Variants in FAM171A1 observed in about 807,000 individuals in gnomAD.
FAM171A1 encodes the protein family with sequence similarity 171 member A1.
FAM171A1 carries 23 observed loss-of-function variants against 74.9 expected under a neutral mutation model. The observed-to-expected ratio is 0.31, with a 90% CI of 0.22 to 0.44. The LOEUF (loss-of-function observed/expected upper bound fraction) is 0.44, where lower values mean the gene tolerates loss of function less well. Ranked by LOEUF, FAM171A1 falls within the 20% of genes least tolerant of loss-of-function variation. The pLI, the probability that FAM171A1 is intolerant of heterozygous loss-of-function variation, is 1.00. For missense variants in FAM171A1, 1,162 were observed against 1,159.2 expected (o/e 1.00, Z -0.03); for synonymous variants, 527 against 505.7 (o/e 1.04, Z -0.57).
At chr10:15,340,766 G>A (rs1433464969) in intron 1 of FAM171A1, among the ~76,000 whole-genome samples, 1 of 152,180 alleles carries the variant, frequency 6.6e-6, no homozygotes, top group Non-Finnish European at 1.5e-5. Context: ...TGGATACTGA[G>A]AGCACAGCAG....
chr10:15,246,300 A>G (rs1269970070), intron 5 of FAM171A1, among the ~76,000 whole-genome samples: 1 of 152,224 alleles, frequency 6.6e-6, no homozygotes, highest in African/African-American at 2.4e-5. Flanking sequence ...CCACACAAAT[A>G]ATTACAGTGT....
chr10:15,329,491 C>T (rs899898795), intron 1 of FAM171A1, among the ~76,000 whole-genome samples: 8 of 152,048 alleles, frequency 5.3e-5, no homozygotes, highest in African/African-American at 1.9e-4. Context: ...CCAGGCACAC[C>T]TGTGCACATC....
chr10:15,251,002 G>A (rs920781191), intron 4 of FAM171A1, among the ~76,000 whole-genome samples: 2 of 152,064 alleles, frequency 1.3e-5, no homozygotes, highest in African/African-American at 2.4e-5. Context: ...CACATTCCCA[G>A]CCCAGGAAGA....
intron 5 of FAM171A1, among the ~76,000 whole-genome samples, chr10:15,236,032 G>A (rs1390152464): frequency 6.6e-6 from 1 of 152,138 alleles, no homozygotes; most frequent in Non-Finnish European, 1.5e-5. Flanking sequence ...CACTCGCTTT[G>A]GACATCAGAG....
At chr10:15,297,381 T>C (rs117827494) in intron 1 of FAM171A1, among the ~76,000 whole-genome samples, 6 of 152,204 alleles carry the variant, frequency 3.9e-5, no homozygotes, top group Non-Finnish European at 8.8e-5. Context: ...TTGATAGAAC[T>C]TACACATAAC....
At chr10:15,249,356 C>T (rs1247790481) in intron 4 of FAM171A1, among the ~76,000 whole-genome samples, 1 of 152,136 alleles carries the variant, frequency 6.6e-6, no homozygotes, top group African/African-American at 2.4e-5. Flanking sequence ...TTGGCAATCC[C>T]AGGCCTGTGC....
At chr10:15,365,506 C>G (rs1836048850) in intron 1 of FAM171A1, among the ~76,000 whole-genome samples, 1 of 152,130 alleles carries the variant, frequency 6.6e-6, no homozygotes, top group Admixed American at 6.5e-5. Context: ...CATGGTGGCT[C>G]CCACCTGTAA....
intron 6 of FAM171A1, among the ~76,000 whole-genome samples, chr10:15,217,997 G>C (rs1453131794): frequency 2.0e-5 from 3 of 152,120 alleles, no homozygotes; most frequent in African/African-American, 7.2e-5. Flanking sequence ...GCTTTGTCAG[G>C]AGTCACCAAG....
chr10:15,290,247 G>A (rs1835087583), intron 1 of FAM171A1, among the ~76,000 whole-genome samples: 1 of 149,148 alleles, frequency 6.7e-6, no homozygotes, highest in Admixed American at 6.7e-5. Context: ...TCAAGGGACA[G>A]GATCCATCCC....
At chr10:15,283,632 T>C (rs554211286) in intron 2 of FAM171A1, among the ~76,000 whole-genome samples, 5 of 152,354 alleles carry the variant, frequency 3.3e-5, no homozygotes, top group African/African-American at 1.2e-4. Flanking sequence ...TTGCCCAGGC[T>C]AGACTGCAGT....
rs774072673 is a variant in FAM171A1, at chr10:15,213,689, G to T, written c.1899C>A (p.Ile633=). Residue 633 remains isoleucine, a synonymous_variant, in exon 8 of 8, where the codon ATC becomes ATA. Transcript: ENST00000378116. The surrounding 1 kb of genome is among the most constrained non-coding windows in gnomAD (Gnocchi z 6.8). ...AGIFPHPSSQ[I]QPQPLSSQAI... ...CCTGGGAAGACAGGGGCTGGGGCTG[G>T]ATCTGTGAGGACGGGTGTGGGAAGA... 30 of 1,612,836 alleles carry T rather than the reference G, an allele frequency of 1.9e-5. No individual in the cohort carries two copies. In the Admixed American group the frequency reaches 5.0e-4, roughly 27 times the overall value.
chr10:15,218,552 A>G (rs964283369), intron 6 of FAM171A1, among the ~76,000 whole-genome samples: 5 of 152,120 alleles, frequency 3.3e-5, no homozygotes, highest in Admixed American at 3.3e-4. Context: ...GATGACTGAC[A>G]TATGTATCCC....
intron 5 of FAM171A1, among the ~76,000 whole-genome samples, chr10:15,232,195 C>T (rs1160977119): frequency 2.6e-5 from 4 of 152,174 alleles, no homozygotes; most frequent in African/African-American, 9.7e-5. Flanking sequence ...AGCTTGAGAC[C>T]TCTGCACTGA....
At chr10:15,237,888 C>T (rs1222235708) in intron 5 of FAM171A1, among the ~76,000 whole-genome samples, 5 of 152,144 alleles carry the variant, frequency 3.3e-5, no homozygotes, top group Non-Finnish European at 7.3e-5. Flanking sequence ...ATTTCTAAGC[C>T]ATAGCCTTGA....
chr10:15,321,075 T>G (rs1835481068), intron 1 of FAM171A1, among the ~76,000 whole-genome samples: 1 of 152,198 alleles, frequency 6.6e-6, no homozygotes, highest in Non-Finnish European at 1.5e-5. Flanking sequence ...GGGGCCTGAT[T>G]GAAGAGAGCC....
At chr10:15,369,466 C>T (rs1448156273) in intron 1 of FAM171A1, among the ~76,000 whole-genome samples, 1 of 152,100 alleles carries the variant, frequency 6.6e-6, no homozygotes, top group African/African-American at 2.4e-5. Context: ...GTTTCCTACA[C>T]GAAGAGACAT....
At chr10:15,239,582 T>C (rs967699737) in intron 5 of FAM171A1, among the ~76,000 whole-genome samples, 1 of 152,138 alleles carries the variant, frequency 6.6e-6, no homozygotes, top group African/African-American at 2.4e-5. Context: ...GGATTACAGG[T>C]GTAAGCCACT....
chr10:15,269,807 AC>A (rs1473018605), intron 3 of FAM171A1, among the ~76,000 whole-genome samples: 2 of 152,194 alleles, frequency 1.3e-5, no homozygotes, highest in Non-Finnish European at 2.9e-5. Context: ...CTTACAGTGA[AC>A]TGATAGTTTA....
In FAM171A1 at chr10:15,254,981, C is replaced by T. The variant is rs539668344; in HGVS notation, c.419-102G>A. The T allele has an allele frequency of 9.9e-4, 1,016 of 1,030,026 alleles. 21 individuals carry two copies. In the South Asian group the frequency reaches 0.015, roughly 15 times the overall value. The allele number at this position is 1,030,026 out of a possible 1,614,324, so 63.8% of individuals were successfully genotyped here. Reference sequence around the variant, plus strand: ...TCTCTAAGGTTTCAGCACGCCTCCCCCACCCTGCTCCCTCTCACAAGGCCT... The same window carrying T: ...TCTCTAAGGTTTCAGCACGCCTCCCTCACCCTGCTCCCTCTCACAAGGCCT... On this transcript the variant is annotated intron_variant, in intron 3 of 7. Transcript: ENST00000378116.
Sources: gnomAD v4.1 joint callset for allele counts (sites outside exome capture counted in the v4.1 genomes callset) on GRCh38, gnomAD v4.1.1 for gene constraint, Gnocchi (gnomAD v3.1) non-coding constraint, MANE v1.5 for transcripts, NCBI Gene and HGNC (gene_info 2026-07-23, HGNC 2026-07-21) for gene names.